EAF2: variants seen among roughly 807,000 people sequenced by gnomAD.
The protein encoded by EAF2 is ELL-associated factor 2.
A neutral mutation model predicts 29.4 loss-of-function variants in EAF2; 29 were observed. That is an observed-to-expected ratio of 0.99 (90% CI 0.73 to 1.35). The LOEUF is 1.35. Among genes scored for constraint, EAF2 ranks in the 40% most tolerant of loss-of-function variants. The pLI, the probability that EAF2 is intolerant of heterozygous loss-of-function variation, is 0.00. For synonymous variants in EAF2, 103 were observed against 102.5 expected (o/e 1.00, Z -0.03); for missense variants, 292 against 312.0 (o/e 0.94, Z 0.48).
chr3:121,842,386 T>C (rs937652255), intron 1 of EAF2, among the ~76,000 whole-genome samples: 5 of 152,198 alleles, frequency 3.3e-5, no homozygotes, highest in Non-Finnish European at 4.4e-5. Context: ...CAAACTAAAG[T>C]TTTTTTCTCT....
chr3:121,868,414 C>T (rs575949066), intron 4 of EAF2, among the ~76,000 whole-genome samples: 16 of 152,218 alleles, frequency 1.1e-4, no homozygotes, highest in South Asian at 4.1e-4. Context: ...GCCTGGCCAA[C>T]GTGGTGAAAC....
intron 2 of EAF2, 47 bp downstream of exon 2, chr3:121,844,594 A>C (rs369726936): frequency 2.4e-6 from 3 of 1,273,624 alleles, no homozygotes; most frequent in Non-Finnish European, 3.3e-6. Context: ...TGGGATTCTC[A>C]GTAAATTTAA....
At chr3:121,872,967 G>A in intron 5 of EAF2, 179 bp downstream of exon 5, 1 of 964,708 alleles carries the variant, frequency 1.0e-6, no homozygotes, top group Non-Finnish European at 1.6e-6. Flanking sequence ...ATGCCTTCTT[G>A]GTTTTTCTCC....
chr3:121,845,870 T>C (rs1462751231), intron 2 of EAF2, among the ~76,000 whole-genome samples: 1 of 152,200 alleles, frequency 6.6e-6, no homozygotes, highest in East Asian at 1.9e-4. Context: ...ACTATTCGCA[T>C]ACAAATATAA....
At chr3:121,854,949 TTTTTC>T in intron 3 of EAF2, 126 bp downstream of exon 3, 2 of 974,136 alleles carry the variant, frequency 2.1e-6, no homozygotes, top group Non-Finnish European at 2.8e-6. Context: ...TGTTTTAATC[TTTTTC>T]TAAGTTTAAA....
intron 2 of EAF2, among the ~76,000 whole-genome samples, chr3:121,853,335 T>G (rs1472793207): frequency 6.6e-6 from 1 of 152,232 alleles, no homozygotes; most frequent in Non-Finnish European, 1.5e-5. Context: ...AGAATCCAAA[T>G]AAGATTTCTA....
intron 3 of EAF2, among the ~76,000 whole-genome samples, chr3:121,855,164 A>G (rs1708698077): frequency 6.6e-6 from 1 of 152,162 alleles, no homozygotes; most frequent in East Asian, 1.9e-4. Context: ...TTTATTGAGT[A>G]CCTAGGATGT....
intron 5 of EAF2, among the ~76,000 whole-genome samples, chr3:121,885,679 A>AT (rs1462135025): frequency 1.3e-5 from 2 of 151,976 alleles, no homozygotes; most frequent in African/African-American, 4.8e-5. Flanking sequence ...CACATTCTCC[A>AT]TTTTTTATGA....
At chr3:121,863,634 A>T (rs1708872324) in intron 4 of EAF2, among the ~76,000 whole-genome samples, 1 of 151,750 alleles carries the variant, frequency 6.6e-6, no homozygotes, top group Admixed American at 6.6e-5. Context: ...GAATTCCCCG[A>T]CCCCTCGCAC....
intron 4 of EAF2, among the ~76,000 whole-genome samples, chr3:121,858,191 G>A (rs1194258022): frequency 6.6e-6 from 1 of 152,220 alleles, no homozygotes; most frequent in Non-Finnish European, 1.5e-5. Context: ...ACCCAGTAAT[G>A]GGATGGCTGG....
At chr3:121,884,717 G>A (rs988523438) in intron 5 of EAF2, among the ~76,000 whole-genome samples, 1 of 29,348 alleles carries the variant, frequency 3.4e-5, no homozygotes, top group African/African-American at 6.2e-5. Context: ...GAGCCACCGC[G>A]TGCCCGACCT....
At chr3:121,858,386 T>C (rs1031124164) in intron 4 of EAF2, among the ~76,000 whole-genome samples, 1 of 152,384 alleles carries the variant, frequency 6.6e-6, no homozygotes, top group African/African-American at 2.4e-5. Flanking sequence ...TGGTATCTCA[T>C]TGTGGTTTTG....
intron 1 of EAF2, among the ~76,000 whole-genome samples, chr3:121,842,360 A>G (rs919212947): frequency 2.6e-5 from 4 of 152,192 alleles, no homozygotes; most frequent in African/African-American, 9.7e-5. Context: ...AGATTCATAA[A>G]TGGTATTTGA....
rs1478123024 is a variant in EAF2, at chr3:121,835,268, C to G, written c.-18C>G. ...TGAGCGCTGGTGGCGGAGTTAAAGTCAAAGCAGGAGAGTAATTATGAATAG... is the reference window on the plus strand; with the variant it reads ...TGAGCGCTGGTGGCGGAGTTAAAGTGAAAGCAGGAGAGTAATTATGAATAG... On this transcript the variant is annotated 5_prime_UTR_variant, in exon 1 of 6. Transcript: ENST00000273668. 1 of 1,612,748 alleles carries G rather than the reference C, an allele frequency of 6.2e-7. No homozygotes were observed. The highest frequency in any genetic ancestry group is 1.7e-5 in the Admixed American group (1 of 60,024).
intron 1 of EAF2, among the ~76,000 whole-genome samples, chr3:121,840,488 T>G: frequency 5.7e-5 from 2 of 35,012 alleles, no homozygotes; most frequent in South Asian, 3.8e-3. Context: ...AGACTTCGTC[T>G]AAAAAAAAAA....
At chr3:121,882,972 T>C (rs1376262507) in intron 5 of EAF2, among the ~76,000 whole-genome samples, 2 of 152,076 alleles carry the variant, frequency 1.3e-5, no homozygotes, top group Non-Finnish European at 1.5e-5. Flanking sequence ...GAAATGAATT[T>C]CATAGCTTAA....
At chr3:121,870,757 G>C (rs1388798473) in intron 4 of EAF2, among the ~76,000 whole-genome samples, 1 of 152,028 alleles carries the variant, frequency 6.6e-6, no homozygotes. Context: ...ATTTGAACAG[G>C]CTTTTCAAAA....
At chr3:121,865,331 C>T (rs1391773106) in intron 4 of EAF2, among the ~76,000 whole-genome samples, 1 of 152,114 alleles carries the variant, frequency 6.6e-6, no homozygotes, top group Non-Finnish European at 1.5e-5. Flanking sequence ...CTATTTCTAA[C>T]TTAGTATGAG....
chr3:121,837,498 A>G (rs1165300518), intron 1 of EAF2: 1 of 152,186 alleles, frequency 6.6e-6, no homozygotes, highest in Non-Finnish European at 1.5e-5. Flanking sequence ...ACCTATATAT[A>G]TAATGTGACT....
Sources: allele counts gnomAD v4.1 joint callset (sites outside exome capture counted in the v4.1 genomes callset), GRCh38; gene constraint gnomAD v4.1.1; transcripts MANE v1.5; gene names NCBI Gene and HGNC (gene_info 2026-07-23, HGNC 2026-07-21).